Variants in SCML4 observed in about 807,000 individuals in gnomAD.
The protein encoded by SCML4 is Scm polycomb group protein like 4.
SCML4 carries 34 observed loss-of-function variants against 41.1 expected under a neutral mutation model. That is an observed-to-expected ratio of 0.83 (90% CI 0.63 to 1.10). The LOEUF (loss-of-function observed/expected upper bound fraction) is 1.10, where lower values mean the gene tolerates loss of function less well. Among genes scored for constraint, SCML4 ranks in the 50% least tolerant of loss-of-function variants. SCML4 has a pLI of 0.00. For synonymous variants in SCML4, 214 were observed against 220.9 expected (o/e 0.97, Z 0.28); for missense variants, 522 against 534.1 (o/e 0.98, Z 0.22).
chr6:107,813,820 A>G (rs1453618918), intron 1 of SCML4, among the ~76,000 whole-genome samples: 2 of 152,210 alleles, frequency 1.3e-5, no homozygotes, highest in Non-Finnish European at 2.9e-5. Context: ...TCAGTGTGGC[A>G]GCAGCTAGGG....
chr6:107,839,125 C>T, the SCML4 span, among the ~76,000 whole-genome samples: 2 of 151,870 alleles, frequency 1.3e-5, no homozygotes, highest in African/African-American at 4.8e-5. Flanking sequence ...CATGGTGAAA[C>T]CCTACAAAAA....
chr6:107,733,028 C>A (rs1035188439), intron 5 of SCML4, among the ~76,000 whole-genome samples: 1 of 152,156 alleles, frequency 6.6e-6, no homozygotes, highest in Admixed American at 6.5e-5. Flanking sequence ...TGGCAACAAA[C>A]CAACAGCTCA....
intron 2 of SCML4, among the ~76,000 whole-genome samples, chr6:107,761,497 C>T (rs1394094504): frequency 2.0e-5 from 3 of 150,858 alleles, no homozygotes; most frequent in African/African-American, 7.3e-5. Flanking sequence ...AGTGCAATGG[C>T]GCAATCTCGG....
At chr6:107,717,855 A>G (rs1583395005) in intron 6 of SCML4, among the ~76,000 whole-genome samples, 1 of 152,294 alleles carries the variant, frequency 6.6e-6, no homozygotes, top group African/African-American at 2.4e-5. Context: ...GCTGGTTCTA[A>G]TACTTCTAAG....
At chr6:107,837,480 G>T in the SCML4 span, among the ~76,000 whole-genome samples, 1 of 152,072 alleles carries the variant, frequency 6.6e-6, no homozygotes. Context: ...TCGAGTTCAG[G>T]GTTTTGGTTG....
chr6:107,759,787 C>T (rs999882267), intron 2 of SCML4, among the ~76,000 whole-genome samples: 2 of 152,038 alleles, frequency 1.3e-5, no homozygotes, highest in Non-Finnish European at 2.9e-5. Flanking sequence ...AAGTTCTGTG[C>T]AGAACTTTGG....
At chr6:107,736,506 G>A (rs1195242635) in intron 5 of SCML4, among the ~76,000 whole-genome samples, 2 of 152,184 alleles carry the variant, frequency 1.3e-5, no homozygotes. Context: ...CTATCTTGCT[G>A]TGTGTGTGGC....
chr6:107,837,154 G>A, the SCML4 span, among the ~76,000 whole-genome samples: 2 of 152,124 alleles, frequency 1.3e-5, no homozygotes, highest in Non-Finnish European at 2.9e-5. Flanking sequence ...TATCCAGTAG[G>A]TAGAATTCGG....
At chr6:107,837,810 C>T in the SCML4 span, among the ~76,000 whole-genome samples, 2 of 152,240 alleles carry the variant, frequency 1.3e-5, no homozygotes, top group South Asian at 2.1e-4. Context: ...TGCAACTGAC[C>T]CTCCACATAG....
intron 2 of SCML4, among the ~76,000 whole-genome samples, chr6:107,756,084 A>G (rs901109451): frequency 7.2e-5 from 11 of 152,238 alleles, no homozygotes; most frequent in African/African-American, 2.7e-4. Context: ...CAACTCTCCC[A>G]TGCATAAAAA....
chr6:107,750,638 T>A (rs1166009488), intron 2 of SCML4, among the ~76,000 whole-genome samples: 2 of 152,196 alleles, frequency 1.3e-5, no homozygotes, highest in African/African-American at 4.8e-5. Flanking sequence ...GAAGTGAGAC[T>A]CACACATCCG....
chr6:107,767,301 A>G (rs1412612658), intron 2 of SCML4, among the ~76,000 whole-genome samples: 2 of 152,150 alleles, frequency 1.3e-5, no homozygotes, highest in Non-Finnish European at 2.9e-5. Flanking sequence ...AAGCAATACA[A>G]CATCTGGACT....
intron 1 of SCML4, among the ~76,000 whole-genome samples, chr6:107,789,460 G>A (rs1241986337): frequency 1.3e-5 from 2 of 152,194 alleles, no homozygotes; most frequent in African/African-American, 4.8e-5. Flanking sequence ...GCATGTTGTG[G>A]TGTGCAGACA....
intron 1 of SCML4, among the ~76,000 whole-genome samples, chr6:107,788,870 A>G (rs1782107230): frequency 6.6e-6 from 1 of 152,230 alleles, no homozygotes; most frequent in Non-Finnish European, 1.5e-5. Context: ...TGAGAACAGA[A>G]TGGGTGAAAG....
At chr6:107,719,756 G>T in intron 6 of SCML4, 1 of 241,760 alleles carries the variant, frequency 4.1e-6, no homozygotes, top group Non-Finnish European at 6.7e-6. Flanking sequence ...TTTTATAGGT[G>T]AGGAAACTGA....
chr6:107,720,225 G>A (rs763770659), intron 6 of SCML4: 167 of 707,924 alleles, frequency 2.4e-4, no homozygotes, highest in Non-Finnish European at 2.7e-4. Context: ...TTTTGCCAAT[G>A]AGATGTGAGT....
At chr6:107,742,827 A>C (rs1157541337) in intron 5 of SCML4, among the ~76,000 whole-genome samples, 1 of 152,214 alleles carries the variant, frequency 6.6e-6, no homozygotes, top group African/African-American at 2.4e-5. Context: ...AAGAAAAAAA[A>C]AACACTGCGG....
At chr6:107,845,144 G>A in the SCML4 span, among the ~76,000 whole-genome samples, 1 of 152,148 alleles carries the variant, frequency 6.6e-6, no homozygotes, top group Non-Finnish European at 1.5e-5. Flanking sequence ...GCTGAGGCAG[G>A]AGAATCGCTT....
the SCML4 span, among the ~76,000 whole-genome samples, chr6:107,833,964 G>A: frequency 1.3e-5 from 2 of 152,134 alleles, no homozygotes; most frequent in South Asian, 2.1e-4. Context: ...ATAGTGCCTG[G>A]CACATATATG....
Sources: allele counts gnomAD v4.1 joint callset (sites outside exome capture counted in the v4.1 genomes callset), GRCh38; gene constraint gnomAD v4.1.1; transcripts MANE v1.5; gene names NCBI Gene and HGNC (gene_info 2026-07-23, HGNC 2026-07-21).